MKNK2: variants seen among roughly 807,000 people sequenced by gnomAD.
MKNK2 encodes the protein MAP kinase-interacting serine/threonine-protein kinase 2.
MKNK2 carries 54 observed loss-of-function variants against 55.0 expected under a neutral mutation model. The observed-to-expected ratio is 0.98, with a 90% CI of 0.79 to 1.23. MKNK2 has a LOEUF of 1.23. Ranked by LOEUF, MKNK2 falls within the 50% of genes most tolerant of loss-of-function variation. The probability of loss-of-function intolerance (pLI) is 0.00; values close to 1 mark genes in which losing one functional copy is unlikely to be tolerated. For missense variants in MKNK2, 685 were observed against 632.1 expected (o/e 1.08, Z -0.90); for synonymous variants, 323 against 256.0 (o/e 1.26, Z -2.50).
rs2145685987 is a variant in MKNK2, at chr19:2,041,882, G to A, written c.903C>T (p.Ser301=). 2 of 1,542,628 alleles carry A rather than the reference G, an allele frequency of 1.3e-6. No individual in the cohort carries two copies. The highest frequency in any genetic ancestry group is 2.0e-5 in the Admixed American group (1 of 50,020). ...GYPPFVGRCG[S]DCGWDRGEAC... ...CCTCGCCGCGGTCCCAGCCGCAGTCGCTGCCACAGCGGCCCACGAAGGGCG... is the reference window on the plus strand; with the variant it reads ...CCTCGCCGCGGTCCCAGCCGCAGTCACTGCCACAGCGGCCCACGAAGGGCG... The change falls in exon 11 of 14, where the codon AGC becomes AGT. Residue 301 remains serine (S), a synonymous_variant. Transcript: ENST00000250896.
In MKNK2 at chr19:2,038,206, G is replaced by C. The variant is rs555183139; in HGVS notation, c.*1407C>G. ...CACCCCCAGGCCCCCCGACATTCAA[G>C]TATTCTTCAAGAACAGGGAAGCAAA... On this transcript the variant is annotated 3_prime_UTR_variant, in exon 14 of 14. Transcript: ENST00000250896. 5.0e-6 allele frequency: 5 copies of C among 1,000,526 alleles called. No homozygotes were observed. Among genetic ancestry groups the C allele is most frequent in the Non-Finnish European group, 5.9e-6 (5 of 840,652 alleles). 62.0% of individuals were successfully genotyped at this position (1,000,526 alleles called of 1,614,324 possible).
intron 12 of MKNK2, 72 bp from the exon 13 acceptor site, chr19:2,040,249 G>C (rs2145683393): frequency 7.6e-7 from 1 of 1,313,234 alleles, no homozygotes; most frequent in Non-Finnish European, 1.0e-6. Flanking sequence ...TGGGGTGTCT[G>C]GCCAAGGGAT....
At position 2,039,045 on chromosome 19, in the gene MKNK2, C is replaced by CCACCTGCCTGCCTGA; in HGVS notation, c.*553_*567dup. The CCACCTGCCTGCCTGA allele has an allele frequency of 1.0e-6, 1 of 986,462 alleles. No homozygotes were observed. Among genetic ancestry groups the CCACCTGCCTGCCTGA allele is most frequent in the Non-Finnish European group, 1.2e-6 (1 of 830,376 alleles). 61.1% of individuals were successfully genotyped at this position (986,462 alleles called of 1,614,324 possible). A position where few individuals can be genotyped will look rare whatever the true frequency, so the allele number is the denominator to read the frequency against. ...ATGGGGTGGGTGGGTGAGCTGCCTG[C>CCACCTGCCTGCCTGA]CACCTGCCTGCCTGACACCTCCAGA... On this transcript the variant is annotated 3_prime_UTR_variant, in exon 14 of 14. Coordinates refer to ENST00000250896, the MANE Select transcript of MKNK2 (RefSeq NM_199054.3).
At position 2,039,572 on chromosome 19, in the gene MKNK2, TGG is replaced by T. The variant is rs760869663; in HGVS notation, c.*39_*40del. On this transcript the variant is annotated 3_prime_UTR_variant, in exon 14 of 14. Coordinates refer to ENST00000250896, the MANE Select transcript of MKNK2 (RefSeq NM_199054.3). ...AGCTTAAAAAACCTTTAGATTTGAT[TGG>T]GGGACGGGTGACCTATGTACAGAGG... 1.9e-6 allele frequency: 3 copies of T among 1,568,590 alleles called. No individual in the cohort carries two copies. In the African/African-American group the frequency reaches 4.1e-5, roughly 21 times the overall value.
In MKNK2 at chr19:2,041,821, G is replaced by A. The variant is rs200265849; in HGVS notation, c.945+19C>T. The A allele has an allele frequency of 4.7e-6, 7 of 1,497,784 alleles. No individual in the cohort carries two copies. The highest frequency in any genetic ancestry group is 2.2e-5 in the Admixed American group (1 of 45,476). The allele number at this position is 1,497,784 out of a possible 1,614,324, so 92.8% of individuals were successfully genotyped here. On this transcript the variant is annotated intron_variant, in intron 11 of 13. Coordinates refer to ENST00000250896, the MANE Select transcript of MKNK2 (RefSeq NM_199054.3). Reference sequence around the variant, plus strand: ...GGGAGGAGGGTGCCCAGGAGAGGAGGGTGCGCGGGCCGCCGCACCTGGCAG... The same window carrying A: ...GGGAGGAGGGTGCCCAGGAGAGGAGAGTGCGCGGGCCGCCGCACCTGGCAG...
In MKNK2 at chr19:2,037,684, T is replaced by C. The variant is rs530095197; in HGVS notation, c.*1929A>G. ...ACATCGTAACATTAACACATGGCCG[T>C]TCACCGTCCCCCAGCGATGGGAGCT... On this transcript the variant is annotated 3_prime_UTR_variant, in exon 14 of 14. Transcript: ENST00000250896. 2.2e-4 allele frequency: 275 copies of C among 1,248,888 alleles called. No individual in the cohort carries two copies. In the African/African-American group the frequency reaches 3.4e-3, roughly 16 times the overall value. 77.4% of individuals were successfully genotyped at this position (1,248,888 alleles called of 1,614,324 possible).
intron 5 of MKNK2, among the ~76,000 whole-genome samples, chr19:2,045,777 C>A (rs1453829398): frequency 6.6e-6 from 1 of 152,236 alleles, no homozygotes; most frequent in Non-Finnish European, 1.5e-5. Flanking sequence ...TGCTCCCAGC[C>A]CTTCGGCCAC....
Position 2,050,830 on chromosome 19 carries a change from C to A in MKNK2, c.22G>T (p.Glu8Ter). 4 of 1,536,832 alleles carry A rather than the reference C, an allele frequency of 2.6e-6. No homozygotes were observed. Among genetic ancestry groups the A allele is most frequent in the East Asian group, 2.6e-5 (1 of 38,976 alleles). MVQKKPA[E>*]LQGFHRSFKG... Reference sequence around the variant, plus strand: ...AACGAACGGTGGAAACCCTGAAGTTCGGCTGGTTTCTTCTGCACCATCTTC... The same window carrying A: ...AACGAACGGTGGAAACCCTGAAGTTAGGCTGGTTTCTTCTGCACCATCTTC... The change falls in exon 2 of 14, where the codon GAA becomes TAA. Residue 8 changes from glutamate (E) to a stop codon, truncating the protein, a stop_gained. Coordinates refer to ENST00000250896, the MANE Select transcript of MKNK2 (RefSeq NM_199054.3). LOFTEE classifies it high-confidence loss of function.
At chr19:2,046,799 T>C (rs1457618427) in intron 2 of MKNK2, 108 bp from the exon 3 acceptor site, 1 of 851,278 alleles carries the variant, frequency 1.2e-6, no homozygotes, top group Non-Finnish European at 1.7e-6. Context: ...AGCCCTGCGC[T>C]GAGCATTACG....
At chr19:2,040,997 G>A (rs2016866491) in intron 12 of MKNK2, 43 bp downstream of exon 12, 2 of 1,603,048 alleles carry the variant, frequency 1.2e-6, no homozygotes, top group Non-Finnish European at 1.7e-6. Flanking sequence ...CCACCCTGCA[G>A]CGCCCCCATA....
At chr19:2,045,292 G>C (rs7248631) in intron 5 of MKNK2, among the ~76,000 whole-genome samples, 59,834 of 151,862 alleles carry the variant, frequency 0.39, 13,603 homozygotes, top group African/African-American at 0.62. Context: ...GTCCCTATCT[G>C]TCAAACAAAG....
chr19:2,039,690 G>A lies in MKNK2; in HGVS notation c.1321C>T (p.Gln441Ter). 6.2e-7 allele frequency: 1 copy of A among 1,613,172 alleles called. No individual in the cohort carries two copies. Among genetic ancestry groups the A allele is most frequent in the Non-Finnish European group, 8.5e-7 (1 of 1,179,970 alleles). Residue 441 changes from glutamine to a stop codon, truncating the protein, a stop_gained, in exon 14 of 14, where the codon CAG becomes TAG. Transcript: ENST00000250896. LOFTEE classifies it high-confidence loss of function. ...TGCCGCCGCTGCGCCAGCTTGGACT[G>A]GGAGGGTGGAGACAGCTGCAGGCAG... ...SRCLQLSPPS[Q>*]SKLAQRRQRA...
At chr19:2,047,236 G>C (rs1302964527) in intron 2 of MKNK2, among the ~76,000 whole-genome samples, 1 of 152,188 alleles carries the variant, frequency 6.6e-6, no homozygotes, top group African/African-American at 2.4e-5. Flanking sequence ...ATCTGTGGTT[G>C]TGACCGGTTG....
chr19:2,050,153 A>G (rs1485622338), intron 2 of MKNK2, among the ~76,000 whole-genome samples: 1 of 151,846 alleles, frequency 6.6e-6, no homozygotes, highest in Admixed American at 6.6e-5. Context: ...TGAAACCAGC[A>G]CTCAACAGCA....
rs34533507 is a variant in MKNK2 at position 2,043,975 on chromosome 19, CAAAAAAAAAAAA to C, written c.340-405_340-394del. 2.6e-3 allele frequency among the ~76,000 whole-genome samples: 61 copies of C among 23,854 alleles called. 1 individual carries two copies. The Admixed American group carries it at 0.026, about 10-fold the overall frequency. 15.6% of individuals were successfully genotyped at this position (23,854 alleles called of 152,430 possible). A position where few individuals can be genotyped will look rare whatever the true frequency, so the allele number is the denominator to read the frequency against. ...CTGGTGACAGAGTGAGACTTCGCCTCAAAAAAAAAAAAAAAAAAAAAAAAAAAAAGCCAGTGG... is the reference window on the plus strand; with the variant it reads ...CTGGTGACAGAGTGAGACTTCGCCTCAAAAAAAAAAAAAAAAAGCCAGTGG... On this transcript the variant is annotated intron_variant, in intron 5 of 13. Coordinates refer to ENST00000250896, the MANE Select transcript of MKNK2 (RefSeq NM_199054.3).
chr19:2,045,442 C>G (rs960479533), intron 5 of MKNK2, among the ~76,000 whole-genome samples: 2 of 152,126 alleles, frequency 1.3e-5, no homozygotes, highest in East Asian at 3.9e-4. Context: ...AGGGACCGTC[C>G]GTACTGTGTC....
At position 2,041,999 on chromosome 19, in the gene MKNK2, C is replaced by A; in HGVS notation, c.786G>T (p.Val262=). 6.4e-7 allele frequency: 1 copy of A among 1,552,432 alleles called. No homozygotes were observed. The highest frequency in any genetic ancestry group is 8.7e-7 in the Non-Finnish European group (1 of 1,149,714). ...GSAEYMAPEV[V]EAFSEEASIY... ...TGCTAGCCTCCTCGCTGAAGGCCTC[C>A]ACTACCTCCGGGGCCATGTACTCCG... The change falls in exon 11 of 14, where the codon GTG becomes GTT. Residue 262 remains valine, a synonymous_variant. Coordinates refer to ENST00000250896, the MANE Select transcript of MKNK2 (RefSeq NM_199054.3).
intron 11 of MKNK2, 53 bp downstream of exon 11, chr19:2,041,787 C>T: frequency 7.0e-7 from 1 of 1,434,924 alleles, no homozygotes; most frequent in Non-Finnish European, 9.2e-7. Context: ...GTGTTCAGGG[C>T]AGGCCCGGGG....
chr19:2,041,469 G>C (rs769526890), intron 11 of MKNK2, among the ~76,000 whole-genome samples: 13 of 152,154 alleles, frequency 8.5e-5, no homozygotes, highest in Admixed American at 2.0e-4. Flanking sequence ...CAGGGAGCCT[G>C]AGCCTGATCC....
Sources: gnomAD v4.1 joint callset for allele counts (sites outside exome capture counted in the v4.1 genomes callset) on GRCh38, gnomAD v4.1.1 for gene constraint, MANE v1.5 for transcripts, NCBI Gene and HGNC (gene_info 2026-07-23, HGNC 2026-07-21) for gene names.